The following CCDC171 variants were observed in gnomAD, a reference collection of about 807,000 sequenced individuals.
The protein encoded by CCDC171 is coiled-coil domain containing 171.
In CCDC171, 177 loss-of-function variants were observed where a neutral mutation model predicts 168.2. The ratio of observed to expected loss-of-function variants is 1.05; its 90% confidence interval spans 0.93 to 1.19. The LOEUF is 1.19. CCDC171 is among the 50% of genes most tolerant of loss of function. CCDC171 has a pLI of 0.00. For synonymous variants in CCDC171, 687 were observed against 540.8 expected (o/e 1.27, Z -3.75); for missense variants, 1,991 against 1,539.0 (o/e 1.29, Z -4.91).
intron 1 of CCDC171, among the ~76,000 whole-genome samples, chr9:16,060,346 C>T (rs1434494796): frequency 6.6e-6 from 1 of 152,230 alleles, no homozygotes. Context: ...TGCGTGGCGC[C>T]TCGAGACCAC....
rs1174152354 is a variant in CCDC171, at chr9:15,579,636, C to A, written c.352+613C>A. On this transcript the variant is annotated intron_variant, in intron 4 of 25. Transcript: ENST00000380701. ...CCCAGATGAGGGACCAGAAAATGATCAAAAGCCCTTCTACATGGATGACTA... is the reference window on the plus strand; with the variant it reads ...CCCAGATGAGGGACCAGAAAATGATAAAAAGCCCTTCTACATGGATGACTA... Among the ~76,000 whole-genome samples, 4 of 152,164 alleles carry A rather than the reference C, an allele frequency of 2.6e-5. No individual in the cohort carries two copies. The East Asian group carries it at 7.7e-4, about 29-fold the overall frequency.
intron 24 of CCDC171, among the ~76,000 whole-genome samples, chr9:15,881,920 A>T (rs543288657): frequency 4.7e-4 from 71 of 152,258 alleles, no homozygotes; most frequent in African/African-American, 1.7e-3. Context: ...AGGAGTACAG[A>T]TGCCTTGTGA....
intron 7 of CCDC171, 60 bp from the exon 8 acceptor site, chr9:15,657,067 T>A (rs1301861776): frequency 2.2e-6 from 2 of 925,292 alleles, no homozygotes; most frequent in East Asian, 4.9e-5. Context: ...TGGACTGTAG[T>A]GATCCATATC....
At chr9:15,935,371 TG>T (rs1826992898) in intron 25 of CCDC171, among the ~76,000 whole-genome samples, 1 of 152,006 alleles carries the variant, frequency 6.6e-6, no homozygotes, top group African/African-American at 2.4e-5. Flanking sequence ...CCCTGGGTCT[TG>T]GTTTTCCTGG....
chr9:15,714,814 C>T (rs2134088517), intron 11 of CCDC171, among the ~76,000 whole-genome samples: 1 of 152,200 alleles, frequency 6.6e-6, no homozygotes, highest in Non-Finnish European at 1.5e-5. Context: ...GTAATCAGAG[C>T]TAGGACTTTT....
chr9:15,563,896 T>G lies in CCDC171; in HGVS notation c.-111-82T>G, dbSNP rs1259754737. The G allele has an allele frequency of 5.5e-6, 3 of 542,240 alleles. No individual in the cohort carries two copies. In the African/African-American group the frequency reaches 5.9e-5, roughly 11 times the overall value. The allele number at this position is 542,240 out of a possible 1,614,324, so 33.6% of individuals were successfully genotyped here. A position where few individuals can be genotyped will look rare whatever the true frequency, so the allele number is the denominator to read the frequency against. On this transcript the variant is annotated intron_variant, in intron 1 of 25. Coordinates refer to ENST00000380701, the MANE Select transcript of CCDC171 (RefSeq NM_173550.4). ...TTTCACTTATCAATTATTACATCTT[T>G]CCAAAATAAACCAAAAAACAAGAAA...
rs540637925 is a variant in CCDC171, at chr9:15,987,586, A to C, written n.369-33003A>C. Among the ~76,000 whole-genome samples, 21 of 151,790 alleles carry C rather than the reference A, an allele frequency of 1.4e-4. No homozygotes were observed. The South Asian group carries it at 4.0e-3, about 29-fold the overall frequency. On this transcript the variant is annotated intron_variant and non_coding_transcript_variant, in intron 3 of 9. Coordinates refer to the CCDC171 transcript ENST00000486641. ...CTTGTTGGCAGTAGCCAAATCCTGA[A>C]GATAAATGTTCTTCAATGGCATGAC...
At chr9:15,663,729 C>T (rs1407856772) in intron 8 of CCDC171, among the ~76,000 whole-genome samples, 1 of 151,482 alleles carries the variant, frequency 6.6e-6, no homozygotes, top group African/African-American at 2.4e-5. Flanking sequence ...CCTCAGCCTC[C>T]TGAGTAGCTG....
At chr9:15,941,237 A>C (rs1265203213) in intron 25 of CCDC171, among the ~76,000 whole-genome samples, 1 of 151,938 alleles carries the variant, frequency 6.6e-6, no homozygotes, top group Non-Finnish European at 1.5e-5. Context: ...AAAGTTTTTC[A>C]CCTTTGAAAT....
chr9:15,696,585 A>G (rs1588015356), intron 11 of CCDC171, among the ~76,000 whole-genome samples: 2 of 152,172 alleles, frequency 1.3e-5, no homozygotes, highest in African/African-American at 4.8e-5. Context: ...TATTATTGAG[A>G]TGTATCAGTG....
chr9:15,646,502 G>C (rs2047049955), intron 7 of CCDC171, among the ~76,000 whole-genome samples: 1 of 152,152 alleles, frequency 6.6e-6, no homozygotes, highest in African/African-American at 2.4e-5. Context: ...GTATTCAGGA[G>C]ACCCATCTCA....
downstream of CCDC171, among the ~76,000 whole-genome samples, chr9:15,976,071 C>T (rs568781819): frequency 5.3e-5 from 8 of 152,068 alleles, no homozygotes; most frequent in Non-Finnish European, 7.4e-5. Flanking sequence ...GCTTTCAGGG[C>T]GGTGCTAGAA....
intron 11 of CCDC171, among the ~76,000 whole-genome samples, chr9:15,698,597 C>G (rs981547707): frequency 6.6e-6 from 1 of 151,722 alleles, no homozygotes; most frequent in Non-Finnish European, 1.5e-5. Flanking sequence ...ATAATGACCT[C>G]CAGTTTTATT....
chr9:15,618,822 C>G (rs2044289651), intron 6 of CCDC171, among the ~76,000 whole-genome samples: 1 of 151,922 alleles, frequency 6.6e-6, no homozygotes, highest in South Asian at 2.1e-4. Flanking sequence ...TCTGCTTGCT[C>G]TCCGTGGGTT....
chr9:15,850,557 T>A (rs1318342860), intron 23 of CCDC171, among the ~76,000 whole-genome samples: 3 of 152,070 alleles, frequency 2.0e-5, no homozygotes, highest in Admixed American at 1.3e-4. Context: ...GATTTATGTC[T>A]TTAGAAAATT....
chr9:15,728,077 T>C (rs1243186225), intron 15 of CCDC171, 41 bp downstream of exon 15: 2 of 1,516,398 alleles, frequency 1.3e-6, no homozygotes, highest in Admixed American at 3.6e-5. Context: ...TTAAATTCAG[T>C]GACATTTGTC....
intron 16 of CCDC171, among the ~76,000 whole-genome samples, chr9:15,737,440 C>G (rs2054569707): frequency 6.6e-6 from 1 of 152,088 alleles, no homozygotes. Context: ...AACCTGGGCC[C>G]TGTTGCCAGG....
rs182561523 is a variant in CCDC171 at position 15,614,970 on chromosome 9, A to G, written c.676-8297A>G. ...TTGTTTTACCAATGAATAAAAAGAA[A>G]CATTAAAGGAGCTAATAATTCCAGT... On this transcript the variant is annotated intron_variant, in intron 6 of 25. Coordinates refer to ENST00000380701, the MANE Select transcript of CCDC171 (RefSeq NM_173550.4). Among the ~76,000 whole-genome samples the G allele has an allele frequency of 3.9e-5, 6 of 152,340 alleles. No homozygotes were observed. In the East Asian group the frequency reaches 1.2e-3, roughly 29 times the overall value.
chr9:15,822,569 A>C (rs1294325058), intron 21 of CCDC171, among the ~76,000 whole-genome samples: 2 of 152,166 alleles, frequency 1.3e-5, no homozygotes, highest in Non-Finnish European at 2.9e-5. Context: ...ATGCAGCCAA[A>C]AAACACATGA....
Sources: allele counts gnomAD v4.1 joint callset (sites outside exome capture counted in the v4.1 genomes callset), GRCh38; gene constraint gnomAD v4.1.1; transcripts MANE v1.5; gene names NCBI Gene and HGNC (gene_info 2026-07-23, HGNC 2026-07-21).